Variants in FIGNL2 observed in about 807,000 individuals in gnomAD.
FIGNL2 encodes the protein fidgetin-like protein 2.
For synonymous variants in FIGNL2, 565 were observed against 484.0 expected (o/e 1.17, Z -2.20); for missense variants, 1,060 against 950.2 (o/e 1.12, Z -1.52).
rs1442009639 is a variant in FIGNL2, at chr12:51,845,131, G to A, written c.-12+3409C>T. 3.9e-5 allele frequency among the ~76,000 whole-genome samples: 6 copies of A among 152,186 alleles called. No individual in the cohort carries two copies. In the South Asian group the frequency reaches 1.0e-3, roughly 26 times the overall value. The stretch of plus-strand genomic sequence containing the variant: ...TTTCATCAGTGTCTCCAAGGGCTCT[G>A]TAAATCAAAAAAAGTTATGGATACC... On this transcript the variant is annotated intron_variant, in intron 1 of 1. Transcript: ENST00000618634.
intron 1 of FIGNL2, chr12:51,844,928 A>G: frequency 1.0e-6 from 1 of 963,780 alleles, no homozygotes; most frequent in South Asian, 4.8e-5. Flanking sequence ...CTGAGTGGGG[A>G]GGTCAGGAAA....
At position 51,845,326 on chromosome 12, in the gene FIGNL2, C is replaced by T. The variant is rs369172401; in HGVS notation, c.-12+3214G>A. On this transcript the variant is annotated intron_variant, in intron 1 of 1. Coordinates refer to ENST00000618634, the MANE Select transcript of FIGNL2 (RefSeq NM_001384995.1). The stretch of plus-strand genomic sequence containing the variant: ...CTGCAGGGAAAGGCTGGGAGCCCAA[C>T]ACCACAGAGCCTGGCAGGGTCCCTC... 139 of 322,710 alleles carry T rather than the reference C, an allele frequency of 4.3e-4. 1 individual carries two copies. Among genetic ancestry groups the T allele is most frequent in the African/African-American group, 2.9e-3 (131 of 44,572 alleles). 20.0% of individuals were successfully genotyped at this position (322,710 alleles called of 1,614,324 possible).
At chr12:51,846,921 G>A in intron 1 of FIGNL2, 1 of 842,628 alleles carries the variant, frequency 1.2e-6, no homozygotes, top group Non-Finnish European at 1.4e-6. Context: ...AAATGAAATG[G>A]TGTTAAACAT....
At position 51,821,676 on chromosome 12, in the gene FIGNL2, C is replaced by A; in HGVS notation, c.738G>T (p.Pro246=). ...PAPTPLPAPA[P]PTAYGFPTAA... ...CCGTGGGGAAGCCATAGGCGGTGGG[C>A]GGTGCCGGCGCGGGCAGGGGCGTGG... Residue 246 remains proline (P), a synonymous_variant, in exon 2 of 2, where the codon CCG becomes CCT. Coordinates refer to ENST00000618634, the MANE Select transcript of FIGNL2 (RefSeq NM_001384995.1). The A allele has an allele frequency of 1.5e-6, 2 of 1,339,742 alleles. No individual in the cohort carries two copies. The highest frequency in any genetic ancestry group is 1.6e-5 in the South Asian group (1 of 61,970). 83.0% of individuals were successfully genotyped at this position (1,339,742 alleles called of 1,614,324 possible). A position where few individuals can be genotyped will look rare whatever the true frequency, so the allele number is the denominator to read the frequency against.
At chr12:51,831,894 G>A (rs1399167445) in intron 1 of FIGNL2, 1 of 153,374 alleles carries the variant, frequency 6.5e-6, no homozygotes, top group Non-Finnish European at 1.5e-5. Flanking sequence ...AGGCTACAGT[G>A]CAGTAGTGTC....
intron 1 of FIGNL2, among the ~76,000 whole-genome samples, chr12:51,826,342 C>G (rs1939342207): frequency 6.6e-6 from 1 of 152,008 alleles, no homozygotes; most frequent in Non-Finnish European, 1.5e-5. Flanking sequence ...AATAATCTAA[C>G]CAGGGGCCAG....
chr12:51,827,062 G>GA (rs1285722279), intron 1 of FIGNL2, among the ~76,000 whole-genome samples: 2 of 152,232 alleles, frequency 1.3e-5, no homozygotes, highest in African/African-American at 4.8e-5. Context: ...GCTATAGGTG[G>GA]AAAATGCTGT....
At chr12:51,826,075 T>G (rs1325944271) in intron 1 of FIGNL2, 1 of 152,184 alleles carries the variant, frequency 6.6e-6, no homozygotes, top group Non-Finnish European at 1.5e-5. Context: ...TTTTTACCTT[T>G]ATCTACATCT....
At chr12:51,834,050 C>T (rs1173923933) in intron 1 of FIGNL2, among the ~76,000 whole-genome samples, 1 of 73,412 alleles carries the variant, frequency 1.4e-5, no homozygotes, top group Middle Eastern at 7.9e-3. Context: ...GATGAATGGA[C>T]AGATGGACAG....
chr12:51,821,288 C>G lies in FIGNL2; in HGVS notation c.1126G>C (p.Glu376Gln), dbSNP rs770525866. ...TCCACCATCTTGCTCGTCACCAGCTCCAGGGCCCCAGGGTCCACGCCTTTG... is the reference window on the plus strand; with the variant it reads ...TCCACCATCTTGCTCGTCACCAGCTGCAGGGCCCCAGGGTCCACGCCTTTG... ...TPKGVDPGAL[E>Q]LVTSKMVDCG... Residue 376 changes from glutamate (E) to glutamine (Q), a missense_variant, in exon 2 of 2, where the codon GAG (glutamate) becomes CAG (glutamine). Physicochemically the swap from Glu to Gln is conservative, Grantham distance 29. Transcript: ENST00000618634. The G allele has an allele frequency of 6.6e-7, 1 of 1,523,646 alleles. No individual in the cohort carries two copies. Among genetic ancestry groups the G allele is most frequent in the South Asian group, 1.2e-5 (1 of 83,078 alleles). The allele number at this position is 1,523,646 out of a possible 1,614,324, so 94.4% of individuals were successfully genotyped here.
At position 51,820,914 on chromosome 12, in the gene FIGNL2, C is replaced by T. The variant is rs532501111; in HGVS notation, c.1500G>A (p.Arg500=). 9 of 1,329,714 alleles carry T rather than the reference C, an allele frequency of 6.8e-6. No individual in the cohort carries two copies. The highest frequency in any genetic ancestry group is 8.6e-6 in the Non-Finnish European group (9 of 1,048,146). 82.4% of individuals were successfully genotyped at this position (1,329,714 alleles called of 1,614,324 possible). A position where few individuals can be genotyped will look rare whatever the true frequency, so the allele number is the denominator to read the frequency against. Residue 500 remains arginine (R), a synonymous_variant, in exon 2 of 2, where the codon CGG becomes CGA. Transcript: ENST00000618634. ...ISELEALLPA[R]DDGAAAGGAL... ...CGCCCCCTGCCGCCGCGCCGTCGTC[C>T]CGGGCGGGGAGCAGCGCCTCTAGCT...
At position 51,848,648 on chromosome 12, in the gene FIGNL2, G is replaced by C; in HGVS notation, c.-120C>G. 1 of 569,410 alleles carries C rather than the reference G, an allele frequency of 1.8e-6. No individual in the cohort carries two copies. Among genetic ancestry groups the C allele is most frequent in the Non-Finnish European group, 2.2e-6 (1 of 450,282 alleles). 35.3% of individuals were successfully genotyped at this position (569,410 alleles called of 1,614,324 possible). A position where few individuals can be genotyped will look rare whatever the true frequency, so the allele number is the denominator to read the frequency against. On this transcript the variant is annotated 5_prime_UTR_variant, in exon 1 of 2. Coordinates refer to ENST00000618634, the MANE Select transcript of FIGNL2 (RefSeq NM_001384995.1). ...GGGGGCGACAGGCCTGGGCTGGGGGGCAGTGGCGCTCACCATCCTGGAGCC... is the reference window on the plus strand; with the variant it reads ...GGGGGCGACAGGCCTGGGCTGGGGGCCAGTGGCGCTCACCATCCTGGAGCC...
intron 1 of FIGNL2, chr12:51,845,676 AG>A: frequency 1.0e-6 from 1 of 985,330 alleles, no homozygotes; most frequent in Non-Finnish European, 1.2e-6. Flanking sequence ...AGGGAAGGTG[AG>A]GGAGACCAGC....
In FIGNL2 at chr12:51,820,923, G is replaced by T; in HGVS notation, c.1491C>A (p.Leu497=). 7.6e-7 allele frequency: 1 copy of T among 1,323,082 alleles called. No homozygotes were observed. Among genetic ancestry groups the T allele is most frequent in the Non-Finnish European group, 9.6e-7 (1 of 1,044,672 alleles). The allele number at this position is 1,323,082 out of a possible 1,614,324, so 82.0% of individuals were successfully genotyped here. A position where few individuals can be genotyped will look rare whatever the true frequency, so the allele number is the denominator to read the frequency against. ...CCGCCGCGCCGTCGTCCCGGGCGGG[G>T]AGCAGCGCCTCTAGCTCGCTGATGA... ...VLLISELEAL[L]PARDDGAAAG... is the part of the protein sequence containing the mutation. Residue 497 remains leucine, a synonymous_variant, in exon 2 of 2, where the codon CTC becomes CTA. Coordinates refer to ENST00000618634, the MANE Select transcript of FIGNL2 (RefSeq NM_001384995.1).
rs755656319 is a variant in FIGNL2, at chr12:51,830,662, TC to T, written c.-11-8239del. Among the ~76,000 whole-genome samples, 253 of 151,742 alleles carry T rather than the reference TC, an allele frequency of 1.7e-3. 1 individual carries two copies. Among genetic ancestry groups the T allele is most frequent in the Non-Finnish European group, 2.9e-3 (198 of 67,874 alleles). ...GCCCACCACTACACCCAGCTAATTT[TC>T]TGTATTTTTAGTAGAGATGGGGTTT... On this transcript the variant is annotated intron_variant, in intron 1 of 1. Coordinates refer to ENST00000618634, the MANE Select transcript of FIGNL2 (RefSeq NM_001384995.1).
At chr12:51,847,926 ACT>A in intron 1 of FIGNL2, 4 of 789,790 alleles carry the variant, frequency 5.1e-6, no homozygotes, top group Non-Finnish European at 4.6e-6. Context: ...CAACCCCCTG[ACT>A]CTGAGACGCG....
chr12:51,827,162 C>A (rs935079985), intron 1 of FIGNL2, among the ~76,000 whole-genome samples: 2 of 152,228 alleles, frequency 1.3e-5, no homozygotes, highest in Non-Finnish European at 2.9e-5. Flanking sequence ...CCACAGGAGC[C>A]TCAGGAAGGA....
At chr12:51,825,479 C>T (rs1486725149) in intron 1 of FIGNL2, among the ~76,000 whole-genome samples, 1 of 152,184 alleles carries the variant, frequency 6.6e-6, no homozygotes, top group Non-Finnish European at 1.5e-5. Context: ...GAGAACTGCT[C>T]CACCTTGGCA....
In FIGNL2 at chr12:51,837,036, C is replaced by T. The variant is rs552198662; in HGVS notation, c.-12+11504G>A. On this transcript the variant is annotated intron_variant, in intron 1 of 1. Coordinates refer to ENST00000618634, the MANE Select transcript of FIGNL2 (RefSeq NM_001384995.1). ...AGGGAGTGTATTAGCACATTTGAAC[C>T]GCTCAACCTGCAACTGACAAAGCCT... Among the ~76,000 whole-genome samples the T allele has an allele frequency of 8.5e-5, 13 of 152,206 alleles. No individual in the cohort carries two copies. In the South Asian group the frequency reaches 1.2e-3, roughly 15 times the overall value.
Sources: allele counts gnomAD v4.1 joint callset (sites outside exome capture counted in the v4.1 genomes callset), GRCh38; gene constraint gnomAD v4.1.1; transcripts MANE v1.5; gene names NCBI Gene and HGNC (gene_info 2026-07-23, HGNC 2026-07-21).